TNIK: variants seen among roughly 807,000 people sequenced by gnomAD.
The protein encoded by TNIK is TRAF2 and NCK-interacting protein kinase.
Under a neutral mutation model 191.3 loss-of-function variants are expected in TNIK, and 49 were observed. The observed-to-expected ratio is 0.26, with a 90% CI of 0.20 to 0.32. The LOEUF is 0.32. Ranked by LOEUF, TNIK falls within the 10% of genes least tolerant of loss-of-function variation. TNIK has a pLI of 1.00. For synonymous variants in TNIK, 594 were observed against 600.9 expected (o/e 0.99, Z 0.17); for missense variants, 1,155 against 1,702.3 (o/e 0.68, Z 5.66).
At chr3:171,135,699 A>T (rs895525471) in intron 15 of TNIK, among the ~76,000 whole-genome samples, 3 of 152,194 alleles carry the variant, frequency 2.0e-5, no homozygotes, top group Non-Finnish European at 4.4e-5. Context: ...GGAAGATGTC[A>T]CCCACCAGAG....
chr3:171,089,949 T>G (rs1161313482), intron 23 of TNIK, among the ~76,000 whole-genome samples: 1 of 152,082 alleles, frequency 6.6e-6, no homozygotes, highest in Non-Finnish European at 1.5e-5. Context: ...GGCTGCACTG[T>G]TGTATTAGGG....
At chr3:171,154,277 T>A (rs949198809) in intron 12 of TNIK, among the ~76,000 whole-genome samples, 3 of 149,812 alleles carry the variant, frequency 2.0e-5, no homozygotes, top group African/African-American at 7.5e-5. Flanking sequence ...AAAAAAAAAA[T>A]TCATGGGATG....
intron 12 of TNIK, among the ~76,000 whole-genome samples, chr3:171,149,294 T>C (rs1576967786): frequency 6.7e-6 from 1 of 149,776 alleles, no homozygotes; most frequent in Non-Finnish European, 1.5e-5. Flanking sequence ...TGCAAGGTAC[T>C]CTAGATACAC....
intron 1 of TNIK, among the ~76,000 whole-genome samples, chr3:171,448,757 C>CTTA (rs1299027598): frequency 6.6e-6 from 1 of 151,904 alleles, no homozygotes; most frequent in African/African-American, 2.4e-5. Flanking sequence ...ATTCTGTCTA[C>CTTA]TTATTATTAT....
intron 2 of TNIK, among the ~76,000 whole-genome samples, chr3:171,256,088 C>T (rs1350868270): frequency 1.3e-5 from 2 of 152,080 alleles, no homozygotes; most frequent in Admixed American, 1.3e-4. Flanking sequence ...AGGAAAACAG[C>T]TCCCAACAAG....
chr3:171,179,991 A>C (rs568047568), intron 7 of TNIK, among the ~76,000 whole-genome samples: 52 of 152,320 alleles, frequency 3.4e-4, no homozygotes, highest in African/African-American at 1.2e-3. Flanking sequence ...ATAGCGTGAA[A>C]TAAGACACAA....
At chr3:171,354,240 G>A (rs1335993597) in intron 2 of TNIK, among the ~76,000 whole-genome samples, 1 of 152,056 alleles carries the variant, frequency 6.6e-6, no homozygotes, top group South Asian at 2.1e-4. Flanking sequence ...CACTGCTTCT[G>A]CTCTAACCCA....
chr3:171,304,139 C>A (rs1406697213), intron 2 of TNIK, among the ~76,000 whole-genome samples: 4 of 152,008 alleles, frequency 2.6e-5, no homozygotes, highest in African/African-American at 9.7e-5. Flanking sequence ...TGCAGGGAAA[C>A]AAGGTGGCCA....
At chr3:171,414,196 G>T (rs187746410) in intron 1 of TNIK, among the ~76,000 whole-genome samples, 1 of 152,298 alleles carries the variant, frequency 6.6e-6, no homozygotes, top group East Asian at 1.9e-4. Flanking sequence ...CGAAACTCAA[G>T]ATTCCCCAGA....
intron 28 of TNIK, among the ~76,000 whole-genome samples, chr3:171,077,079 C>CT (rs1402638740): frequency 6.9e-6 from 1 of 144,342 alleles, no homozygotes; most frequent in Non-Finnish European, 1.5e-5. Context: ...GTTCCCCCCC[C>CT]CCTTTTTTTT....
At chr3:171,292,900 G>C (rs1273767223) in intron 2 of TNIK, among the ~76,000 whole-genome samples, 1 of 151,858 alleles carries the variant, frequency 6.6e-6, no homozygotes, top group Non-Finnish European at 1.5e-5. Flanking sequence ...ATGGCCACAG[G>C]CTCCCTAGAC....
chr3:171,459,588 C>T (rs759661394), intron 1 of TNIK, among the ~76,000 whole-genome samples: 12 of 151,690 alleles, frequency 7.9e-5, no homozygotes, highest in Non-Finnish European at 1.5e-4. Context: ...ACGTGAGGGG[C>T]CAGTGCCTTT....
intron 1 of TNIK, among the ~76,000 whole-genome samples, chr3:171,457,096 A>T (rs1009528622): frequency 6.6e-6 from 1 of 152,204 alleles, no homozygotes; most frequent in Non-Finnish European, 1.5e-5. Flanking sequence ...TTTATCTCTG[A>T]GCTCTAAAAA....
intron 1 of TNIK, among the ~76,000 whole-genome samples, chr3:171,384,893 G>A (rs953051336): frequency 6.6e-6 from 1 of 152,302 alleles, no homozygotes; most frequent in South Asian, 2.1e-4. Flanking sequence ...TTCCTATCAA[G>A]TAGAAATAAG....
chr3:171,177,227 G>A lies in TNIK; in HGVS notation c.694+99C>T, dbSNP rs149716898. On this transcript the variant is annotated intron_variant, in intron 8 of 32. Transcript: ENST00000436636. ...GCCAGCTTGAATCCATGCAGGGCTC[G>A]GTGTAGTGGAAGTAAAGCAACTGCA... The A allele has an allele frequency of 3.9e-4, 489 of 1,242,696 alleles. 1 individual carries two copies. The African/African-American group carries it at 6.3e-3, about 16-fold the overall frequency. 77.0% of individuals were successfully genotyped at this position (1,242,696 alleles called of 1,614,324 possible). A position where few individuals can be genotyped will look rare whatever the true frequency, so the allele number is the denominator to read the frequency against.
At chr3:171,291,161 C>T (rs887026112) in intron 2 of TNIK, among the ~76,000 whole-genome samples, 19 of 152,232 alleles carry the variant, frequency 1.2e-4, no homozygotes, top group South Asian at 4.1e-4. Flanking sequence ...ATCCTCCCAC[C>T]GCCATAGTAC....
At chr3:171,192,405 C>A (rs1381641156) in intron 5 of TNIK, among the ~76,000 whole-genome samples, 2 of 152,182 alleles carry the variant, frequency 1.3e-5, no homozygotes, top group Non-Finnish European at 2.9e-5. Flanking sequence ...ACCTCCAAAA[C>A]CTCTTGTGGC....
intron 2 of TNIK, among the ~76,000 whole-genome samples, chr3:171,302,607 C>A (rs1011795584): frequency 6.6e-6 from 1 of 152,158 alleles, no homozygotes; most frequent in Non-Finnish European, 1.5e-5. Flanking sequence ...ATTATGAATT[C>A]TTTGCTGAAT....
chr3:171,112,548 TCAACTATATTTTA>T (rs1254572694), intron 18 of TNIK, among the ~76,000 whole-genome samples: 1 of 152,204 alleles, frequency 6.6e-6, no homozygotes, highest in Non-Finnish European at 1.5e-5. Flanking sequence ...CAGGAGATAC[TCAACTATATTTTA>T]CTATTGTACA....
Sources: gnomAD v4.1 joint callset for allele counts (sites outside exome capture counted in the v4.1 genomes callset) on GRCh38, gnomAD v4.1.1 for gene constraint, MANE v1.5 for transcripts, NCBI Gene and HGNC (gene_info 2026-07-23, HGNC 2026-07-21) for gene names.